Variants in KLHL20 observed in about 807,000 individuals in gnomAD.
The protein encoded by KLHL20 is kelch like family member 20.
Under a neutral mutation model 69.5 loss-of-function variants are expected in KLHL20, and 29 were observed. The observed-to-expected ratio is 0.42, with a 90% CI of 0.31 to 0.57. The LOEUF (loss-of-function observed/expected upper bound fraction) is 0.57, where lower values mean the gene tolerates loss of function less well. Among genes scored for constraint, KLHL20 ranks in the 20% least tolerant of loss-of-function variants. The pLI is 0.18. For synonymous variants in KLHL20, 253 were observed against 265.2 expected (o/e 0.95, Z 0.45); for missense variants, 419 against 776.0 (o/e 0.54, Z 5.47).
intron 3 of KLHL20, among the ~76,000 whole-genome samples, chr1:173,736,166 C>T (rs1672525600): frequency 6.6e-6 from 1 of 151,846 alleles, no homozygotes; most frequent in Non-Finnish European, 1.5e-5. Context: ...AGGCTGGTCT[C>T]AAATTCCTGA....
chr1:173,746,816 CTT>C (rs977664925), intron 3 of KLHL20, among the ~76,000 whole-genome samples: 2 of 151,692 alleles, frequency 1.3e-5, no homozygotes, highest in East Asian at 1.9e-4. Context: ...TGAGTTGAGA[CTT>C]AATTTATTTT....
chr1:173,738,589 C>A (rs756389664), intron 3 of KLHL20, among the ~76,000 whole-genome samples: 32 of 152,154 alleles, frequency 2.1e-4, no homozygotes, highest in Non-Finnish European at 4.3e-4. Context: ...AGGGGGAATG[C>A]TTTCAACTTT....
In KLHL20 at chr1:173,785,103, A is replaced by G. The variant is rs1355491408; in HGVS notation, c.1746-60A>G. 3.0e-6 allele frequency: 4 copies of G among 1,325,674 alleles called. No homozygotes were observed. The Admixed American group carries it at 5.8e-5, about 19-fold the overall frequency. The allele number at this position is 1,325,674 out of a possible 1,614,324, so 82.1% of individuals were successfully genotyped here. A position where few individuals can be genotyped will look rare whatever the true frequency, so the allele number is the denominator to read the frequency against. On this transcript the variant is annotated intron_variant, in intron 11 of 11. Transcript: ENST00000209884. Reference sequence around the variant, plus strand: ...AATAACATCTTAGTCGTAGTTAATAACATCTTAGTTGTAACATATTTTCCA... The same window carrying G: ...AATAACATCTTAGTCGTAGTTAATAGCATCTTAGTTGTAACATATTTTCCA...
intron 3 of KLHL20, among the ~76,000 whole-genome samples, chr1:173,748,537 A>G (rs1673169447): frequency 6.6e-6 from 1 of 152,188 alleles, no homozygotes; most frequent in South Asian, 2.1e-4. Flanking sequence ...AGATGCCTTG[A>G]TAACAGACTT....
chr1:173,783,670 C>A (rs547152518), intron 11 of KLHL20, among the ~76,000 whole-genome samples: 1 of 152,062 alleles, frequency 6.6e-6, no homozygotes, highest in African/African-American at 2.4e-5. Context: ...GAGTTCGAGA[C>A]CAGCCTGGCC....
At chr1:173,762,241 CA>C (rs749150137) in intron 7 of KLHL20, among the ~76,000 whole-genome samples, 3 of 150,160 alleles carry the variant, frequency 2.0e-5, no homozygotes, top group South Asian at 2.1e-4. Context: ...AAAATTACAA[CA>C]AAAAAAAAGT....
At chr1:173,771,712 G>A (rs2102528140) in intron 8 of KLHL20, among the ~76,000 whole-genome samples, 1 of 152,256 alleles carries the variant, frequency 6.6e-6, no homozygotes, top group African/African-American at 2.4e-5. Context: ...AGATTATAAT[G>A]AGCTATGATT....
At chr1:173,741,233 CTG>C (rs543228472) in intron 3 of KLHL20, among the ~76,000 whole-genome samples, 40 of 152,324 alleles carry the variant, frequency 2.6e-4, no homozygotes, top group African/African-American at 9.4e-4. Context: ...TGGTATGTTC[CTG>C]TGGTGGTTCT....
Position 173,733,825 on chromosome 1 carries a change from A to G in KLHL20, c.136A>G (p.Ile46Val), listed in dbSNP as rs371714674. 37 of 1,613,928 alleles carry G rather than the reference A, an allele frequency of 2.3e-5. No homozygotes were observed. Among genetic ancestry groups the G allele is most frequent in the Non-Finnish European group, 3.0e-5 (35 of 1,180,008 alleles). ...TCCCCAACCTGCCCGCATGCCCTATATCTCAGACAAGCACCCTCGACAAAC... is the reference window on the plus strand; with the variant it reads ...TCCCCAACCTGCCCGCATGCCCTATGTCTCAGACAAGCACCCTCGACAAAC... The part of the protein sequence containing the change: ...GVPQPARMPY[I>V]SDKHPRQTLE... Residue 46 changes from isoleucine (I) to valine (V), a missense_variant, in exon 3 of 12, where the codon ATC becomes GTC. Around this residue, in one of 6 missense-constraint regions of KLHL20, gnomAD observed 129 missense variants for 183.6 expected, o/e 0.70. Transcript: ENST00000209884.
chr1:173,729,975 A>G (rs143332048), intron 2 of KLHL20, among the ~76,000 whole-genome samples: 9,299 of 152,144 alleles, frequency 0.061, 1,003 homozygotes, highest in African/African-American at 0.21. Context: ...AAACCCCATC[A>G]TCTCAGCCCC....
intron 8 of KLHL20, among the ~76,000 whole-genome samples, chr1:173,771,785 G>A (rs970718676): frequency 3.3e-5 from 5 of 152,062 alleles, no homozygotes; most frequent in Non-Finnish European, 2.9e-5. Context: ...AAATAAAAGG[G>A]AGAGAGTGTA....
rs577898931 is a variant in KLHL20 at position 173,741,777 on chromosome 1, G to A, written c.597+7491G>A. The A allele has an allele frequency of 5.6e-5, 84 of 1,487,864 alleles. No individual in the cohort carries two copies. The Middle Eastern group carries it at 7.0e-4, about 12-fold the overall frequency. The allele number at this position is 1,487,864 out of a possible 1,614,324, so 92.2% of individuals were successfully genotyped here. ...GAGCCCCAATTCCTACTTCATGGAT[G>A]TGGAATGCCCAGGATGCTATAAAAT... On this transcript the variant is annotated intron_variant, in intron 3 of 11. Transcript: ENST00000209884.
At chr1:173,735,748 C>T (rs1558190454) in intron 3 of KLHL20, among the ~76,000 whole-genome samples, 1 of 151,908 alleles carries the variant, frequency 6.6e-6, no homozygotes, top group Non-Finnish European at 1.5e-5. Context: ...TATCTCTCAC[C>T]CACCTCCCAC....
At chr1:173,726,187 C>T (rs1278109496) in intron 2 of KLHL20, among the ~76,000 whole-genome samples, 4 of 152,218 alleles carry the variant, frequency 2.6e-5, no homozygotes, top group Admixed American at 6.5e-5. Flanking sequence ...AAAGCAGCAG[C>T]GAGGCTGGGG....
chr1:173,782,252 A>C (rs1281822964), intron 11 of KLHL20, 22 bp downstream of exon 11: 2 of 1,530,888 alleles, frequency 1.3e-6, no homozygotes, highest in Admixed American at 3.3e-5. Context: ...GCTGTGTAGC[A>C]AATCACCTCA....
chr1:173,761,079 T>C (rs1647269137), intron 7 of KLHL20, among the ~76,000 whole-genome samples: 1 of 152,112 alleles, frequency 6.6e-6, no homozygotes, highest in Admixed American at 6.5e-5. Context: ...CGAGCAGGGG[T>C]AGCTCTTCTT....
chr1:173,761,434 A>AT (rs1647300324), intron 7 of KLHL20, among the ~76,000 whole-genome samples: 1 of 152,208 alleles, frequency 6.6e-6, no homozygotes, highest in South Asian at 2.1e-4. Flanking sequence ...CAGGATACAC[A>AT]TTCTATTCAA....
chr1:173,778,163 C>G (rs1648598418), intron 10 of KLHL20, among the ~76,000 whole-genome samples: 1 of 151,938 alleles, frequency 6.6e-6, no homozygotes, highest in African/African-American at 2.4e-5. Flanking sequence ...GCCATGTTTG[C>G]TGCACCCATC....
Position 173,716,043 on chromosome 1 carries a change from C to T in KLHL20, c.-1C>T, listed in dbSNP as rs1480756438. 3 of 1,613,430 alleles carry T rather than the reference C, an allele frequency of 1.9e-6. No homozygotes were observed. Among genetic ancestry groups the T allele is most frequent in the African/African-American group, 1.3e-5 (1 of 74,888 alleles). ...GTGGTGAAGGGTACTTTTCATGGTGCATGGAAGGAAAGCCAATGCGCAGGT... is the reference window on the plus strand; with the variant it reads ...GTGGTGAAGGGTACTTTTCATGGTGTATGGAAGGAAAGCCAATGCGCAGGT... On this transcript the variant is annotated 5_prime_UTR_variant, in exon 2 of 12. Coordinates refer to ENST00000209884, the MANE Select transcript of KLHL20 (RefSeq NM_014458.4).
Sources: allele counts gnomAD v4.1 joint callset (sites outside exome capture counted in the v4.1 genomes callset), GRCh38; gene constraint gnomAD v4.1.1; regional missense constraint gnomAD v4.1.1; transcripts MANE v1.5; gene names NCBI Gene and HGNC (gene_info 2026-07-23, HGNC 2026-07-21).